The following PEAK1 variants were observed in gnomAD, a reference collection of about 807,000 sequenced individuals.
PEAK1 encodes the protein inactive tyrosine-protein kinase PEAK1.
In PEAK1, 54 loss-of-function variants were observed where a neutral mutation model predicts 124.7. That is an observed-to-expected ratio of 0.43 (90% confidence interval 0.35 to 0.54). PEAK1 has a LOEUF of 0.54. Among genes scored for constraint, PEAK1 ranks in the 20% least tolerant of loss-of-function variants. The probability of loss-of-function intolerance (pLI) is 0.01; values close to 1 mark genes in which losing one functional copy is unlikely to be tolerated. For synonymous variants in PEAK1, 719 were observed against 760.0 expected, an observed-to-expected ratio of 0.95 and a Z score of 0.89; for missense variants, 2,046 against 2,134.5, an observed-to-expected ratio of 0.96 and a Z score of 0.82.
intron 5 of PEAK1, among the ~76,000 whole-genome samples, chr15:77,267,903 C>A (rs996360120): frequency 4.6e-5 from 7 of 151,946 alleles, no homozygotes; most frequent in African/African-American, 2.4e-5. Context: ...ACAAAGTCGA[C>A]TATTAAGCCA....
At chr15:77,230,488 T>A (rs2059863886) in intron 6 of PEAK1, among the ~76,000 whole-genome samples, 1 of 151,104 alleles carries the variant, frequency 6.6e-6, no homozygotes, top group Non-Finnish European at 1.5e-5. Flanking sequence ...CATGAGCCAC[T>A]GTGCCCAGCC....
chr15:77,179,394 C>T lies in PEAK1; in HGVS notation c.2533G>A (p.Asp845Asn), dbSNP rs373994071. The T allele has an allele frequency of 3.2e-5, 51 of 1,613,932 alleles. No individual in the cohort carries two copies. The highest frequency in any genetic ancestry group is 4.2e-5 in the Non-Finnish European group (50 of 1,180,026). Residue 845 changes from aspartate to asparagine, a missense_variant, in exon 7 of 10, where the codon GAC becomes AAC. Physicochemically the swap from Asp to Asn is conservative, Grantham distance 23. Coordinates refer to ENST00000682557, the MANE Select transcript of PEAK1 (RefSeq NM_001385026.1). ...TDSPTTKVQKDPSIKPVTPSP... is the reference protein window; with the variant it reads ...TDSPTTKVQKNPSIKPVTPSP... ...GGGGTGACTGGCTTTATGGATGGGT[C>T]TTTCTGTACTTTGGTGGTAGGACTG...
intron 1 of PEAK1, among the ~76,000 whole-genome samples, chr15:77,391,476 C>CAAAAAAAAAAA (rs536286745): frequency 1.0e-4 from 7 of 68,306 alleles, no homozygotes; most frequent in African/African-American, 1.2e-4. Flanking sequence ...TAACTCATGG[C>CAAAAAAAAAAA]AAAAAAAAAA....
rs565710147 is a variant in PEAK1 at position 77,347,212 on chromosome 15, G to C, written c.-603+17951C>G. On this transcript the variant is annotated intron_variant, in intron 2 of 9. Coordinates refer to ENST00000682557, the MANE Select transcript of PEAK1 (RefSeq NM_001385026.1). Reference sequence around the variant, plus strand: ...CGGCAGAAGATAAGATCTCTTCAAAGTGCCACGGCCATTTCAAAGTTATCT... The same window carrying C: ...CGGCAGAAGATAAGATCTCTTCAAACTGCCACGGCCATTTCAAAGTTATCT... 3 of 982,834 alleles carry C rather than the reference G, an allele frequency of 3.1e-6. No individual in the cohort carries two copies. The South Asian group carries it at 1.4e-4, about 46-fold the overall frequency. 60.9% of individuals were successfully genotyped at this position (982,834 alleles called of 1,614,324 possible).
chr15:77,313,438 G>A (rs776382688), intron 2 of PEAK1, among the ~76,000 whole-genome samples: 5 of 151,922 alleles, frequency 3.3e-5, no homozygotes, highest in Non-Finnish European at 7.4e-5. Context: ...AACATAGGCT[G>A]TGCACAAAGA....
intron 2 of PEAK1, among the ~76,000 whole-genome samples, chr15:77,310,571 T>C (rs1379653337): frequency 1.3e-5 from 2 of 152,072 alleles, no homozygotes; most frequent in Non-Finnish European, 2.9e-5. Flanking sequence ...ATGAGATGAG[T>C]GAAATGACCA....
rs528017795 is a variant in PEAK1 at position 77,377,450 on chromosome 15, T to A, written c.-665-12225A>T. ...GGTATGGGAAAAATACAATGTTATA[T>A]ATACTCTTTTTTTTTTTTTTGAGAT... On this transcript the variant is annotated intron_variant, in intron 1 of 9. Coordinates refer to ENST00000682557, the MANE Select transcript of PEAK1 (RefSeq NM_001385026.1). Among the ~76,000 whole-genome samples the A allele has an allele frequency of 4.0e-5, 6 of 151,844 alleles. No individual in the cohort carries two copies. In the East Asian group the frequency reaches 5.8e-4, roughly 15 times the overall value.
chr15:77,235,715 G>A (rs565444488), intron 6 of PEAK1, among the ~76,000 whole-genome samples: 4 of 152,328 alleles, frequency 2.6e-5, no homozygotes, highest in East Asian at 3.9e-4. Context: ...TCCAGGGCAC[G>A]TCAGACCTTC....
intron 2 of PEAK1, among the ~76,000 whole-genome samples, chr15:77,339,115 C>CT (rs398057842): frequency 0.035 from 4,892 of 139,382 alleles, 250 homozygotes; most frequent in African/African-American, 0.12. Flanking sequence ...AATGTTAAGA[C>CT]TTTTTTTTTT....
chr15:77,279,851 T>A (rs749218237), intron 5 of PEAK1, among the ~76,000 whole-genome samples: 8 of 152,156 alleles, frequency 5.3e-5, no homozygotes, highest in Non-Finnish European at 8.8e-5. Context: ...GGAAAAAAAA[T>A]TCCATTTATA....
intron 2 of PEAK1, chr15:77,331,196 C>T: frequency 4.2e-6 from 1 of 240,166 alleles, no homozygotes; most frequent in African/African-American, 2.3e-5. Context: ...GTGGCATGAT[C>T]TTGGCTCACT....
At chr15:77,328,305 G>C (rs2065697862) in intron 2 of PEAK1, among the ~76,000 whole-genome samples, 1 of 152,092 alleles carries the variant, frequency 6.6e-6, no homozygotes. Context: ...TACTTATTTT[G>C]AATGTACCAC....
intron 9 of PEAK1, among the ~76,000 whole-genome samples, chr15:77,124,934 T>C (rs1230028367): frequency 6.6e-6 from 1 of 152,240 alleles, no homozygotes; most frequent in Admixed American, 6.5e-5. Context: ...TTTCATTCAT[T>C]AATCTTCATT....
intron 5 of PEAK1, among the ~76,000 whole-genome samples, chr15:77,276,618 T>TC (rs1226502473): frequency 2.0e-5 from 3 of 151,932 alleles, no homozygotes; most frequent in Non-Finnish European, 2.9e-5. Flanking sequence ...AAAAAAGATC[T>TC]CGGATAATCC....
At chr15:77,169,626 C>G (rs1021793379) in intron 7 of PEAK1, among the ~76,000 whole-genome samples, 1 of 152,040 alleles carries the variant, frequency 6.6e-6, no homozygotes, top group African/African-American at 2.4e-5. Flanking sequence ...GATTAGGTTA[C>G]CAGGGGCAAG....
intron 5 of PEAK1, among the ~76,000 whole-genome samples, chr15:77,259,837 C>T (rs1330133216): frequency 6.6e-6 from 1 of 152,084 alleles, no homozygotes; most frequent in African/African-American, 2.4e-5. Flanking sequence ...TTACACAGAG[C>T]CTGGCAATCT....
chr15:77,415,543 A>G (rs938066182), intron 1 of PEAK1, among the ~76,000 whole-genome samples: 30 of 152,176 alleles, frequency 2.0e-4, no homozygotes, highest in African/African-American at 6.8e-4. Context: ...CTACAGGCAC[A>G]TGCCACAGCA....
chr15:77,211,549 T>G (rs1317120550), intron 6 of PEAK1, among the ~76,000 whole-genome samples: 2 of 152,052 alleles, frequency 1.3e-5, no homozygotes, highest in Admixed American at 1.3e-4. Flanking sequence ...TAATTATTAT[T>G]CAATAAAAGT....
chr15:77,213,557 C>T (rs375431525), intron 6 of PEAK1, among the ~76,000 whole-genome samples: 101 of 152,102 alleles, frequency 6.6e-4, no homozygotes, highest in Non-Finnish European at 1.3e-3. Context: ...AGTGTGGTAG[C>T]AGTTGCCTGT....
Sources: gnomAD v4.1 joint callset for allele counts (sites outside exome capture counted in the v4.1 genomes callset) on GRCh38, gnomAD v4.1.1 for gene constraint, MANE v1.5 for transcripts, NCBI Gene and HGNC (gene_info 2026-07-23, HGNC 2026-07-21) for gene names.